Variants in CYP2A7 observed in about 807,000 individuals in gnomAD.
CYP2A7 encodes cytochrome P450 2A7.
In CYP2A7, 36 loss-of-function variants were observed where a neutral mutation model predicts 42.0. The ratio of observed to expected loss-of-function variants is 0.86; its 90% CI spans 0.66 to 1.13. The LOEUF (loss-of-function observed/expected upper bound fraction) is 1.13. CYP2A7 is among the 50% of genes most tolerant of loss of function. The pLI, the probability that CYP2A7 is intolerant of heterozygous loss-of-function variation, is 0.00. For missense variants in CYP2A7, 661 were observed against 634.1 expected, an observed-to-expected ratio of 1.04 and a Z score of -0.46; for synonymous variants, 260 against 249.5, an observed-to-expected ratio of 1.04 and a Z score of -0.40.
At chr19:40,880,798 GGA>G (rs1171374070) in intron 2 of CYP2A7, among the ~76,000 whole-genome samples, 170 bp from the exon 3 acceptor site, 27 of 27,416 alleles carry the variant, frequency 9.8e-4, no homozygotes, top group East Asian at 1.7e-3. Context: ...GAAACACGAG[GGA>G]GAGAGAGAGA....
Position 40,880,486 on chromosome 19 carries a change from G to A in CYP2A7, c.486C>T (p.Ser162=). 1 of 1,612,582 alleles carries A rather than the reference G, an allele frequency of 6.2e-7. No individual in the cohort carries two copies. Among genetic ancestry groups the A allele is most frequent in the South Asian group, 1.1e-5 (1 of 91,006 alleles). ...TCGGGGAACCTTACTCACCGTGCGT[G>A]CTCCGGATGGCCTCGATGAGGAAGC... ...ESGFLIEAIR[S]THGANIDPTF... is the part of the protein sequence containing the mutation. Residue 162 remains serine (S), a synonymous_variant, in exon 3 of 9, where the codon AGC becomes AGT. Coordinates refer to ENST00000301146, the MANE Select transcript of CYP2A7 (RefSeq NM_000764.3).
chr19:40,876,742 G>T (rs1967542124), intron 7 of CYP2A7, 74 bp from the exon 8 acceptor site: 1 of 1,538,212 alleles, frequency 6.5e-7, no homozygotes, highest in Admixed American at 1.9e-5. Flanking sequence ...GGCTGGAGGG[G>T]GAACTAGTGT....
At position 40,881,573 on chromosome 19, in the gene CYP2A7, T is replaced by C; in HGVS notation, c.343+16A>G. On this transcript the variant is annotated intron_variant, in intron 2 of 8. Transcript: ENST00000301146. Reference sequence around the variant, plus strand: ...TGTCCGCCTGGCCACCTTCCCCATCTTGGGCACCCCCTCACCATAGCCTTT... The same window carrying C: ...TGTCCGCCTGGCCACCTTCCCCATCCTGGGCACCCCCTCACCATAGCCTTT... 6.2e-7 allele frequency: 1 copy of C among 1,611,324 alleles called. No homozygotes were observed. Among genetic ancestry groups the C allele is most frequent in the East Asian group, 2.2e-5 (1 of 44,874 alleles).
chr19:40,879,953 C>A, intron 4 of CYP2A7, 131 bp downstream of exon 4: 3 of 1,456,576 alleles, frequency 2.1e-6, no homozygotes, highest in East Asian at 2.3e-5. Context: ...GTCCAGTTGT[C>A]CAATATCGGG....
In CYP2A7 at chr19:40,877,242, A is replaced by T. The variant is rs200892263; in HGVS notation, c.1109T>A (p.Leu370Ter). The T allele has an allele frequency of 4.9e-5, 79 of 1,612,844 alleles. 1 individual carries two copies. The Admixed American group carries it at 9.5e-4, about 19-fold the overall frequency. Residue 370 changes from leucine to a stop codon, truncating the protein, a stop_gained, in exon 7 of 9, where the codon TTG (leucine) becomes TAG (stop). Transcript: ENST00000301146. LOFTEE classifies it high-confidence loss of function. ...QRFGDVIPMS[L>*]ARRVKKDTKF... Reference sequence around the variant, plus strand: ...GGTGTCCTTTTTAACCCTGCGGGCCAAACTCATGGGGATCACGTCTCCAAA... The same window carrying T: ...GGTGTCCTTTTTAACCCTGCGGGCCTAACTCATGGGGATCACGTCTCCAAA...
At chr19:40,877,103 G>A in intron 7 of CYP2A7, 87 bp downstream of exon 7, 2 of 1,467,244 alleles carry the variant, frequency 1.4e-6, no homozygotes, top group Non-Finnish European at 1.9e-6. Context: ...GGGACAGTGA[G>A]TAGAAAGCTT....
At position 40,876,215 on chromosome 19, in the gene CYP2A7, G is replaced by T. The variant is rs1164961937; in HGVS notation, c.1303+312C>A. Reference sequence around the variant, plus strand: ...GCCAGGTGTAGCAATGGGAGGTTTAGATGTCCTTCTTGCCAGATACACTTG... The same window carrying T: ...GCCAGGTGTAGCAATGGGAGGTTTATATGTCCTTCTTGCCAGATACACTTG... On this transcript the variant is annotated intron_variant, in intron 8 of 8. Transcript: ENST00000301146. 3 of 596,152 alleles carry T rather than the reference G, an allele frequency of 5.0e-6. No individual in the cohort carries two copies. In the East Asian group the frequency reaches 9.1e-5, roughly 18 times the overall value. 36.9% of individuals were successfully genotyped at this position (596,152 alleles called of 1,614,324 possible).
intron 4 of CYP2A7, among the ~76,000 whole-genome samples, chr19:40,879,734 G>A (rs397783901): frequency 6.6e-6 from 1 of 151,468 alleles, no homozygotes; most frequent in African/African-American, 2.4e-5. Context: ...TGCAGGAGGC[G>A]GGTTGACGCA....
At chr19:40,881,484 G>T in intron 2 of CYP2A7, 105 bp downstream of exon 2, 1 of 1,563,948 alleles carries the variant, frequency 6.4e-7, no homozygotes, top group Non-Finnish European at 8.7e-7. Flanking sequence ...CAGACCGGGG[G>T]TTCTGCCATA....
Position 40,876,968 on chromosome 19 carries a change from T to G in CYP2A7, c.1161+222A>C, listed in dbSNP as rs527619499. 6 of 664,116 alleles carry G rather than the reference T, an allele frequency of 9.0e-6. No homozygotes were observed. The African/African-American group carries it at 9.1e-5, about 10-fold the overall frequency. The allele number at this position is 664,116 out of a possible 1,614,324, so 41.1% of individuals were successfully genotyped here. On this transcript the variant is annotated intron_variant, in intron 7 of 8. Coordinates refer to ENST00000301146, the MANE Select transcript of CYP2A7 (RefSeq NM_000764.3). The stretch of plus-strand genomic sequence containing the variant: ...TTCTGTTTCTTAAGATAGGAAGTTT[T>G]GGAACTTGAGTTTGATTCTCCCGAC...
rs559392294 is a variant in CYP2A7, at chr19:40,881,257, G to A, written c.343+332C>T. Among the ~76,000 whole-genome samples the A allele has an allele frequency of 4.0e-5, 6 of 151,606 alleles. No homozygotes were observed. In the East Asian group the frequency reaches 1.2e-3, roughly 29 times the overall value. ...ACATGGAGAAGCACAGAAGCTGAGA[G>A]CAACAAAAAGACAAATGAAGACAGA... On this transcript the variant is annotated intron_variant, in intron 2 of 8. Transcript: ENST00000301146.
In CYP2A7 at chr19:40,880,460, C is replaced by T. The variant is rs757804476; in HGVS notation, c.493+19G>A. The T allele has an allele frequency of 5.0e-6, 8 of 1,608,350 alleles. No individual in the cohort carries two copies. Among genetic ancestry groups the T allele is most frequent in the Non-Finnish European group, 6.8e-6 (8 of 1,175,610 alleles). ...GTGTTTTCCTTCTCCTGCCCCCGCA[C>T]TCGGGGAACCTTACTCACCGTGCGT... is the stretch of plus-strand genomic sequence containing the variant. On this transcript the variant is annotated intron_variant, in intron 3 of 8. Coordinates refer to ENST00000301146, the MANE Select transcript of CYP2A7 (RefSeq NM_000764.3).
In CYP2A7 at chr19:40,880,799, G is replaced by C. The variant is rs1199592216; in HGVS notation, c.344-171C>G. Among the ~76,000 whole-genome samples the C allele has an allele frequency of 7.0e-3, 11 of 1,562 alleles. 3 individuals carry two copies. The highest frequency in any genetic ancestry group is 0.022 in the Non-Finnish European group (8 of 370). 1.0% of individuals were successfully genotyped at this position (1,562 alleles called of 152,430 possible). ...CAAACTCAGTCAGAGAAACACGAGG[G>C]AGAGAGAGAGAGAGAGAGAGAGAGA... On this transcript the variant is annotated intron_variant, in intron 2 of 8. Coordinates refer to ENST00000301146, the MANE Select transcript of CYP2A7 (RefSeq NM_000764.3).
Position 40,882,035 on chromosome 19 carries a change from A to T in CYP2A7, c.176T>A (p.Met59Lys). 5 of 1,612,920 alleles carry T rather than the reference A, an allele frequency of 3.1e-6. No individual in the cohort carries two copies. The highest frequency in any genetic ancestry group is 4.2e-6 in the Non-Finnish European group (5 of 1,179,162). Reference protein sequence around the residue: ...LNTEHICDSIMKFSECYGPVF... With the variant: ...LNTEHICDSIKKFSECYGPVF... Reference sequence around the variant, plus strand: ...CATCTTCCTGCCTTGGGACACCTTCATGATGGAGTCACATATGTGCTCTGT... The same window carrying T: ...CATCTTCCTGCCTTGGGACACCTTCTTGATGGAGTCACATATGTGCTCTGT... The change falls in exon 1 of 9, where the codon ATG becomes AAG. Residue 59 changes from methionine (M) to lysine (K), a missense_variant. Met to Lys is a moderately conservative substitution (Grantham distance 95, BLOSUM62 -1). Transcript: ENST00000301146.
At position 40,877,447 on chromosome 19, in the gene CYP2A7, T is replaced by C. The variant is rs542985142; in HGVS notation, c.974-70A>G. On this transcript the variant is annotated intron_variant, in intron 6 of 8. Coordinates refer to ENST00000301146, the MANE Select transcript of CYP2A7 (RefSeq NM_000764.3). ...AGCAGGAAATGATAGTCTGAATAGGTAAAACGGGGTGGATGATACGGCTCC... is the reference window on the plus strand; with the variant it reads ...AGCAGGAAATGATAGTCTGAATAGGCAAAACGGGGTGGATGATACGGCTCC... 4.2e-5 allele frequency: 66 copies of C among 1,576,914 alleles called. 1 individual carries two copies. The South Asian group carries it at 6.9e-4, about 16-fold the overall frequency.
At position 40,881,665 on chromosome 19, in the gene CYP2A7, C is replaced by T; in HGVS notation, c.267G>A (p.Glu89=). Residue 89 remains glutamate, a synonymous_variant, in exon 2 of 9, where the codon GAG becomes GAA. Transcript: ENST00000301146. The part of the protein sequence containing the change: ...VVLCGHDAVR[E]ALVDQAEEFS... ...ACTCCTCAGCCTGGTCCACCAGAGC[C>T]TCCCTGACGGCATCATGTCCACACA... 1 of 1,613,336 alleles carries T rather than the reference C, an allele frequency of 6.2e-7. No individual in the cohort carries two copies. Among genetic ancestry groups the T allele is most frequent in the Non-Finnish European group, 8.5e-7 (1 of 1,179,788 alleles).
chr19:40,877,535 G>C (rs1967565075), intron 6 of CYP2A7, among the ~76,000 whole-genome samples, 158 bp from the exon 7 acceptor site: 1 of 151,594 alleles, frequency 6.6e-6, no homozygotes, highest in Non-Finnish European at 1.5e-5. Flanking sequence ...CATTGTTGGA[G>C]TAGGATCCTG....
In CYP2A7 at chr19:40,881,796, C is replaced by G. The variant is rs575671990; in HGVS notation, c.181-45G>C. On this transcript the variant is annotated intron_variant, in intron 1 of 8. Coordinates refer to ENST00000301146, the MANE Select transcript of CYP2A7 (RefSeq NM_000764.3). ...GTGGTTAGAGGGAGCAGCCCCCACT[C>G]TGAATGGGGCCCAGCACCGAGATGT... 4 of 1,599,868 alleles carry G rather than the reference C, an allele frequency of 2.5e-6. No individual in the cohort carries two copies. In the South Asian group the frequency reaches 4.5e-5, roughly 18 times the overall value.
rs142397690 is a variant in CYP2A7, at chr19:40,876,407, G to C, written c.1303+120C>G. On this transcript the variant is annotated intron_variant, in intron 8 of 8. Coordinates refer to ENST00000301146, the MANE Select transcript of CYP2A7 (RefSeq NM_000764.3). Reference sequence around the variant, plus strand: ...AGTATCAGCTGCTGGCTCAAGGGTAGATTCTAACAGGAACTTCCAAGCTGG... The same window carrying C: ...AGTATCAGCTGCTGGCTCAAGGGTACATTCTAACAGGAACTTCCAAGCTGG... 6.5e-4 allele frequency: 1,009 copies of C among 1,541,412 alleles called. 13 individuals carry two copies. The African/African-American group carries it at 8.3e-3, about 13-fold the overall frequency.
Sources: gnomAD v4.1 joint callset for allele counts (sites outside exome capture counted in the v4.1 genomes callset) on GRCh38, gnomAD v4.1.1 for gene constraint, MANE v1.5 for transcripts, NCBI Gene and HGNC (gene_info 2026-07-23, HGNC 2026-07-21) for gene names.